RBFOX1: variants seen among roughly 807,000 people sequenced by gnomAD.
The protein encoded by RBFOX1 is RNA binding protein fox-1 homolog 1.
A neutral mutation model predicts 57.7 loss-of-function variants in RBFOX1; 8 were observed. The ratio of observed to expected loss-of-function variants is 0.14; its 90% confidence interval spans 0.08 to 0.25. The LOEUF is 0.25. RBFOX1 is among the 10% of genes least tolerant of loss of function. The probability of loss-of-function intolerance (pLI) is 1.00; values close to 1 mark genes in which losing one functional copy is unlikely to be tolerated. For synonymous variants in RBFOX1, 326 were observed against 222.4 expected (o/e 1.47, Z -4.15); for missense variants, 611 against 548.5 (o/e 1.11, Z -1.14).
intron 9 of RBFOX1, among the ~76,000 whole-genome samples, chr16:7,602,285 G>A (rs1233556606): frequency 6.6e-6 from 1 of 152,140 alleles, no homozygotes; most frequent in Non-Finnish European, 1.5e-5. Context: ...GTGGCCCCTT[G>A]AGTCCTGGCC....
At chr16:6,136,655 C>CA (rs1242264220) in intron 1 of RBFOX1, among the ~76,000 whole-genome samples, 1 of 152,036 alleles carries the variant, frequency 6.6e-6, no homozygotes, top group Non-Finnish European at 1.5e-5. Flanking sequence ...CCCACAAAGA[C>CA]AAAATGCACA....
chr16:5,324,533 A>C (rs2064507544), intron 1 of RBFOX1, among the ~76,000 whole-genome samples: 2 of 152,200 alleles, frequency 1.3e-5, no homozygotes, highest in Admixed American at 1.3e-4. Context: ...CAGTATTCAC[A>C]ATAGCAAAGA....
At chr16:5,791,730 C>A (rs2054704898) in intron 3 of RBFOX1, among the ~76,000 whole-genome samples, 1 of 152,204 alleles carries the variant, frequency 6.6e-6, no homozygotes, top group African/African-American at 2.4e-5. Context: ...CACACAAAAA[C>A]CCTCACATGT....
chr16:7,343,227 C>G lies in RBFOX1; in HGVS notation c.28-174920C>G, dbSNP rs373655087. 2.4e-4 allele frequency among the ~76,000 whole-genome samples: 37 copies of G among 152,260 alleles called. No homozygotes were observed. The South Asian group carries it at 7.1e-3, about 29-fold the overall frequency. On this transcript the variant is annotated intron_variant, in intron 4 of 15. Transcript: ENST00000550418. ...GGCAAGGAGGATGTGTGAGTGCCAGCCGTCACTGGGCAGCTTATGGGAAGC... is the reference window on the plus strand; with the variant it reads ...GGCAAGGAGGATGTGTGAGTGCCAGGCGTCACTGGGCAGCTTATGGGAAGC...
intron 2 of RBFOX1, among the ~76,000 whole-genome samples, chr16:5,568,260 A>G (rs1399032914): frequency 6.6e-6 from 1 of 152,144 alleles, no homozygotes; most frequent in Non-Finnish European, 1.5e-5. Context: ...TGCACGTGGC[A>G]CAGTCCCACC....
chr16:7,447,138 T>G (rs533973511), intron 4 of RBFOX1, among the ~76,000 whole-genome samples: 1 of 152,074 alleles, frequency 6.6e-6, no homozygotes, highest in Non-Finnish European at 1.5e-5. Flanking sequence ...TTTTATGAGA[T>G]GTGACACTTA....
chr16:5,920,172 G>T (rs1252404262), intron 4 of RBFOX1, among the ~76,000 whole-genome samples: 1 of 152,134 alleles, frequency 6.6e-6, no homozygotes, highest in Non-Finnish European at 1.5e-5. Flanking sequence ...CTGACCTTGT[G>T]ATCCACCTGC....
chr16:6,263,455 C>T (rs2097714015), intron 1 of RBFOX1, among the ~76,000 whole-genome samples: 2 of 152,116 alleles, frequency 1.3e-5, no homozygotes, highest in African/African-American at 4.8e-5. Flanking sequence ...TTTGGAGGTA[C>T]ATTTCTGGAA....
At chr16:7,060,973 G>A (rs1282555126) in intron 4 of RBFOX1, among the ~76,000 whole-genome samples, 1 of 152,160 alleles carries the variant, frequency 6.6e-6, no homozygotes, top group Non-Finnish European at 1.5e-5. Context: ...GAACCCTCAG[G>A]ATTCAGGCCT....
intron 2 of RBFOX1, among the ~76,000 whole-genome samples, chr16:6,486,126 A>T (rs1275457125): frequency 1.7e-5 from 2 of 118,242 alleles, no homozygotes; most frequent in African/African-American, 6.8e-5. Flanking sequence ...TTGCCTTCCT[A>T]TAAACTATAG....
chr16:6,636,416 C>CG (rs547802487), intron 2 of RBFOX1, among the ~76,000 whole-genome samples: 478 of 152,092 alleles, frequency 3.1e-3, no homozygotes, highest in African/African-American at 0.011. Flanking sequence ...GTGATCAGCC[C>CG]GGCTCGGCCT....
At chr16:5,618,197 G>C (rs1375698818) in intron 3 of RBFOX1, among the ~76,000 whole-genome samples, 2 of 152,124 alleles carry the variant, frequency 1.3e-5, no homozygotes, top group South Asian at 2.1e-4. Flanking sequence ...GGTAAATTTT[G>C]TTCGTTTCTG....
intron 2 of RBFOX1, among the ~76,000 whole-genome samples, chr16:6,504,081 T>G (rs577505352): frequency 1.3e-5 from 2 of 152,232 alleles, no homozygotes; most frequent in Admixed American, 6.5e-5. Flanking sequence ...TTTGGTTCTT[T>G]TTTGTTCCTT....
intron 3 of RBFOX1, among the ~76,000 whole-genome samples, chr16:6,941,934 A>G (rs540553946): frequency 4.6e-5 from 7 of 152,220 alleles, no homozygotes; most frequent in African/African-American, 1.4e-4. Context: ...CAGTCTCCCA[A>G]GTAGCTGGGA....
chr16:6,315,846 G>C (rs1311552783), intron 1 of RBFOX1, among the ~76,000 whole-genome samples: 1 of 151,984 alleles, frequency 6.6e-6, no homozygotes. Context: ...ATCAACAAGA[G>C]GGGACTCACC....
At chr16:6,990,424 C>A (rs555530801) in intron 3 of RBFOX1, among the ~76,000 whole-genome samples, 2 of 152,090 alleles carry the variant, frequency 1.3e-5, no homozygotes, top group Admixed American at 6.5e-5. Context: ...ATTCAGGAGT[C>A]GGAGGCAGGA....
chr16:5,527,833 G>T (rs2044304676), intron 2 of RBFOX1, among the ~76,000 whole-genome samples: 1 of 152,112 alleles, frequency 6.6e-6, no homozygotes, highest in Non-Finnish European at 1.5e-5. Context: ...TTTTGTCTTG[G>T]ATACCCTAGG....
chr16:5,826,547 C>T (rs533953736), intron 3 of RBFOX1, among the ~76,000 whole-genome samples: 15 of 152,176 alleles, frequency 9.9e-5, no homozygotes, highest in African/African-American at 3.6e-4. Context: ...AACATGTAAA[C>T]AAATGGGTGT....
At chr16:5,794,500 A>T (rs540522624) in intron 3 of RBFOX1, among the ~76,000 whole-genome samples, 2 of 151,768 alleles carry the variant, frequency 1.3e-5, no homozygotes, top group South Asian at 2.1e-4. Flanking sequence ...GTGAAACTCA[A>T]TGCCAGCGTG....
Sources: gnomAD v4.1 joint callset for allele counts (sites outside exome capture counted in the v4.1 genomes callset) on GRCh38, gnomAD v4.1.1 for gene constraint, MANE v1.5 for transcripts, NCBI Gene and HGNC (gene_info 2026-07-23, HGNC 2026-07-21) for gene names.